Variants in PRRC2C observed in about 807,000 individuals in gnomAD.
The protein encoded by PRRC2C is protein PRRC2C.
In PRRC2C, 72 loss-of-function variants were observed where a neutral mutation model predicts 317.2. The observed-to-expected ratio is 0.23, with a 90% CI of 0.19 to 0.28. The LOEUF is 0.28. PRRC2C is among the 10% of genes least tolerant of loss of function. The pLI is 1.00. For synonymous variants in PRRC2C, 1,296 were observed against 1,205.9 expected (o/e 1.07, Z -1.55); for missense variants, 3,074 against 3,459.7 (o/e 0.89, Z 2.80).
chr1:171,577,871 A>G (rs1432761482), intron 26 of PRRC2C, among the ~76,000 whole-genome samples: 1 of 133,422 alleles, frequency 7.5e-6, no homozygotes, highest in Non-Finnish European at 1.5e-5. Context: ...TCCACCTCCC[A>G]GGTTCAAGTG....
chr1:171,541,173 G>C lies in PRRC2C; in HGVS notation c.3707G>C (p.Gly1236Ala). 6.2e-7 allele frequency: 1 copy of C among 1,613,000 alleles called. No homozygotes were observed. The highest frequency in any genetic ancestry group is 8.5e-7 in the Non-Finnish European group (1 of 1,179,634). ...NKPRAEHIPS[G>A]PLRQREESET... ...CCAAGAGCAGAGCATATACCCTCAGGGCCTCTCAGACAGCGAGAAGAAAGT... is the reference window on the plus strand; with the variant it reads ...CCAAGAGCAGAGCATATACCCTCAGCGCCTCTCAGACAGCGAGAAGAAAGT... Residue 1236 changes from glycine (G) to alanine (A), a missense_variant, in exon 16 of 35, where the codon GGG (glycine) becomes GCG (alanine). Around this residue, in one of 11 missense-constraint regions of PRRC2C, gnomAD observed 1,320 missense variants for 1,395.7 expected, o/e 0.95. Transcript: ENST00000647382. This position sits in a 1 kb window ranked among gnomAD's most constrained non-coding sequence, Gnocchi z 4.1.
At chr1:171,506,437 C>G (rs539067369) in intron 1 of PRRC2C, among the ~76,000 whole-genome samples, 2 of 152,132 alleles carry the variant, frequency 1.3e-5, no homozygotes, top group East Asian at 3.9e-4. Flanking sequence ...CTTCACGTTT[C>G]TTAGACTTGG....
chr1:171,499,214 T>C (rs1668644454), intron 1 of PRRC2C, among the ~76,000 whole-genome samples: 1 of 152,200 alleles, frequency 6.6e-6, no homozygotes, highest in Non-Finnish European at 1.5e-5. Context: ...AAATTCTGCC[T>C]CCACTCAGTG....
intron 9 of PRRC2C, among the ~76,000 whole-genome samples, chr1:171,523,899 G>C (rs920838753): frequency 1.3e-5 from 2 of 152,106 alleles, no homozygotes; most frequent in Non-Finnish European, 2.9e-5. Flanking sequence ...ATCCAGGCGT[G>C]GTGGTGCATG....
chr1:171,521,341 A>G (rs1265578758), intron 6 of PRRC2C, among the ~76,000 whole-genome samples: 5 of 152,222 alleles, frequency 3.3e-5, no homozygotes, highest in Non-Finnish European at 7.3e-5. Context: ...CTTCAAAATC[A>G]TAGGATGAAT....
rs772476661 is a variant in PRRC2C, at chr1:171,575,021, T to C, written c.6848T>C (p.Val2283Ala). 11 of 1,613,524 alleles carry C rather than the reference T, an allele frequency of 6.8e-6. No individual in the cohort carries two copies. The highest frequency in any genetic ancestry group is 7.6e-6 in the Non-Finnish European group (9 of 1,179,792). ...TSTAPPIATG[V>A]SSSASGPSTA... ...ACAGCACCTCCAATTGCAACTGGAG[T>C]CAGCAGTAGTGCCAGTGGACCAAGC... Residue 2283 changes from valine (V) to alanine (A), a missense_variant, in exon 25 of 35, where the codon GTC becomes GCC. Val to Ala is a moderately conservative substitution (Grantham distance 64). Around this residue, in one of 11 missense-constraint regions of PRRC2C, gnomAD observed 490 missense variants for 663.1 expected, o/e 0.74. Coordinates refer to ENST00000647382, the MANE Select transcript of PRRC2C (RefSeq NM_001387844.1).
chr1:171,489,189 G>A (rs1666671996), intron 1 of PRRC2C, among the ~76,000 whole-genome samples: 1 of 152,168 alleles, frequency 6.6e-6, no homozygotes, highest in African/African-American at 2.4e-5. Flanking sequence ...TATTATTGGA[G>A]CAAAAGAAAA....
chr1:171,533,912 G>A (rs571980395), intron 12 of PRRC2C, among the ~76,000 whole-genome samples: 6 of 152,242 alleles, frequency 3.9e-5, no homozygotes, highest in South Asian at 2.1e-4. Flanking sequence ...GTGAGCCACC[G>A]CGCCCAGCCT....
chr1:171,581,806 T>C (rs1421188205), intron 28 of PRRC2C, among the ~76,000 whole-genome samples: 1 of 152,238 alleles, frequency 6.6e-6, no homozygotes, highest in Admixed American at 6.5e-5. Context: ...CTTTTGTTCC[T>C]GCCACATAGG....
At chr1:171,499,708 G>T (rs1668748770) in intron 1 of PRRC2C, among the ~76,000 whole-genome samples, 1 of 152,174 alleles carries the variant, frequency 6.6e-6, no homozygotes, top group Non-Finnish European at 1.5e-5. Context: ...GGAGGCTGAG[G>T]CAGGAGAATC....
intron 26 of PRRC2C, among the ~76,000 whole-genome samples, chr1:171,578,463 G>A (rs1413136403): frequency 1.3e-5 from 2 of 152,024 alleles, no homozygotes; most frequent in Non-Finnish European, 2.9e-5. Flanking sequence ...TGAGGTGAGA[G>A]AATCATTTGA....
intron 18 of PRRC2C, among the ~76,000 whole-genome samples, chr1:171,552,447 C>G (rs1460236991): frequency 6.6e-6 from 1 of 152,144 alleles, no homozygotes; most frequent in African/African-American, 2.4e-5. Flanking sequence ...AATTGAATAT[C>G]CTTTATTTAT....
At chr1:171,575,703 A>C (rs1182239735) in intron 25 of PRRC2C, among the ~76,000 whole-genome samples, 1 of 152,060 alleles carries the variant, frequency 6.6e-6, no homozygotes, top group East Asian at 1.9e-4. Flanking sequence ...GAACTATCTC[A>C]TTATTTGGAG....
At chr1:171,507,092 G>C (rs1414095140) in intron 1 of PRRC2C, among the ~76,000 whole-genome samples, 1 of 151,886 alleles carries the variant, frequency 6.6e-6, no homozygotes, top group African/African-American at 2.4e-5. Context: ...TTCAAGTGTA[G>C]CTTTAAGGTC....
At chr1:171,495,009 T>C (rs1329909968) in intron 1 of PRRC2C, among the ~76,000 whole-genome samples, 3 of 152,222 alleles carry the variant, frequency 2.0e-5, no homozygotes, top group Non-Finnish European at 4.4e-5. Context: ...AGTAATGCTA[T>C]AAGTTTTAGT....
chr1:171,558,025 A>G lies in PRRC2C; in HGVS notation c.5913A>G (p.Thr1971=). The stretch of plus-strand genomic sequence containing the variant: ...CTTCAGCTCAAACACCTAATGGCAC[A>G]GATTATGTAGCCTCAGGAAAATCCA... ...RLPSAQTPNG[T]DYVASGKSIQ... is the part of the protein sequence containing the mutation. Residue 1971 remains threonine (T), a synonymous_variant, in exon 19 of 35, where the codon ACA becomes ACG. Transcript: ENST00000647382. 1 of 1,614,016 alleles carries G rather than the reference A, an allele frequency of 6.2e-7. No homozygotes were observed. Among genetic ancestry groups the G allele is most frequent in the Non-Finnish European group, 8.5e-7 (1 of 1,179,888 alleles).
chr1:171,498,664 A>G (rs1287686519), intron 1 of PRRC2C, among the ~76,000 whole-genome samples: 1 of 152,014 alleles, frequency 6.6e-6, no homozygotes, highest in Non-Finnish European at 1.5e-5. Flanking sequence ...TACTGGTGCA[A>G]CTCTAATCTC....
chr1:171,547,458 T>G (rs112978884), intron 17 of PRRC2C, among the ~76,000 whole-genome samples: 24 of 152,190 alleles, frequency 1.6e-4, no homozygotes, highest in Admixed American at 2.0e-4. Flanking sequence ...TCCATCAGTC[T>G]GAAGTAATGT....
chr1:171,574,379 A>G lies in PRRC2C; in HGVS notation c.6754-548A>G, dbSNP rs535112875. Among the ~76,000 whole-genome samples the G allele has an allele frequency of 1.2e-4, 18 of 152,254 alleles. 1 individual carries two copies. In the South Asian group the frequency reaches 3.7e-3, roughly 32 times the overall value. On this transcript the variant is annotated intron_variant, in intron 24 of 34. Coordinates refer to ENST00000647382, the MANE Select transcript of PRRC2C (RefSeq NM_001387844.1). ...TGCTGCTCTAGATTGAAATAAGGCC[A>G]TTTTCTGCCATTTAAGAAACTAGGA...
Sources: gnomAD v4.1 joint callset for allele counts (sites outside exome capture counted in the v4.1 genomes callset) on GRCh38, gnomAD v4.1.1 for gene constraint, gnomAD v4.1.1 regional missense constraint, Gnocchi (gnomAD v3.1) non-coding constraint, MANE v1.5 for transcripts, NCBI Gene and HGNC (gene_info 2026-07-23, HGNC 2026-07-21) for gene names.